Variants in DPP10 observed in about 807,000 individuals in gnomAD.
The protein encoded by DPP10 is inactive dipeptidyl peptidase 10.
A neutral mutation model predicts 120.9 loss-of-function variants in DPP10; 33 were observed. That is an observed-to-expected ratio of 0.27 (90% confidence interval 0.21 to 0.37). The LOEUF is 0.37. Among genes scored for constraint, DPP10 ranks in the 10% least tolerant of loss-of-function variants. The pLI, the probability that DPP10 is intolerant of heterozygous loss-of-function variation, is 1.00. For missense variants in DPP10, 816 were observed against 942.8 expected (o/e 0.87, Z 1.76); for synonymous variants, 337 against 326.1 (o/e 1.03, Z -0.36).
intron 1 of DPP10, among the ~76,000 whole-genome samples, chr2:114,781,417 G>A (rs556494975): frequency 2.6e-5 from 4 of 152,128 alleles, no homozygotes; most frequent in African/African-American, 7.2e-5. Context: ...TGGGATTCAC[G>A]GCTTAATGTT....
At chr2:114,524,848 G>C (rs912005420) in intron 1 of DPP10, among the ~76,000 whole-genome samples, 1 of 152,098 alleles carries the variant, frequency 6.6e-6, no homozygotes, top group African/African-American at 2.4e-5. Context: ...CCCAGTTCTT[G>C]AACTTGTTCT....
chr2:115,485,200 A>G (rs2075694534), intron 3 of DPP10, among the ~76,000 whole-genome samples: 1 of 150,280 alleles, frequency 6.7e-6, no homozygotes, highest in Non-Finnish European at 1.5e-5. Flanking sequence ...ATTTTTTCTT[A>G]ATCATCTGAA....
intron 1 of DPP10, among the ~76,000 whole-genome samples, chr2:114,484,449 T>A (rs1437367691): frequency 6.6e-6 from 1 of 152,190 alleles, no homozygotes; most frequent in African/African-American, 2.4e-5. Flanking sequence ...ATTTTAATTT[T>A]TGAGGTCTTA....
At chr2:115,177,909 G>A (rs1025619367) in intron 1 of DPP10, among the ~76,000 whole-genome samples, 2 of 152,006 alleles carry the variant, frequency 1.3e-5, no homozygotes, top group Non-Finnish European at 2.9e-5. Flanking sequence ...GACTACAGGT[G>A]CCCGCCACCA....
chr2:115,573,581 CTTTTTTTTTTTT>C (rs767336910), intron 5 of DPP10, among the ~76,000 whole-genome samples: 1 of 70,270 alleles, frequency 1.4e-5, no homozygotes, highest in Non-Finnish European at 2.5e-5. Flanking sequence ...TGCGCCCGGC[CTTTTTTTTTTTT>C]TTTTTTTTTT....
At chr2:114,735,766 AG>A (rs1210849470) in intron 1 of DPP10, among the ~76,000 whole-genome samples, 1 of 152,054 alleles carries the variant, frequency 6.6e-6, no homozygotes, top group African/African-American at 2.4e-5. Flanking sequence ...CTAGCTCATA[AG>A]CTGCAGTTTG....
At chr2:115,312,847 G>T in intron 2 of DPP10, among the ~76,000 whole-genome samples, 1 of 152,190 alleles carries the variant, frequency 6.6e-6, no homozygotes, top group East Asian at 1.9e-4. Flanking sequence ...TATGTCAGGA[G>T]GGGAAGCTTC....
At chr2:115,323,443 T>A (rs74866163) in intron 2 of DPP10, among the ~76,000 whole-genome samples, 1,876 of 152,338 alleles carry the variant, frequency 0.012, 8 homozygotes, top group African/African-American at 0.018. Flanking sequence ...TCAGTACTGA[T>A]TGGAATCAGC....
chr2:115,047,129 A>C (rs1157080366), intron 1 of DPP10, among the ~76,000 whole-genome samples: 5 of 152,086 alleles, frequency 3.3e-5, no homozygotes, highest in Non-Finnish European at 5.9e-5. Context: ...ATACAGTTCC[A>C]TTAAACAATT....
rs145147408 is a variant in DPP10 at position 114,702,491 on chromosome 2, G to T, written c.60+259653G>T. 7.6e-3 allele frequency among the ~76,000 whole-genome samples: 1,152 copies of T among 152,064 alleles called. 13 individuals are homozygous for T. Among genetic ancestry groups the T allele is most frequent in the African/African-American group, 0.026 (1,083 of 41,486 alleles). On this transcript the variant is annotated intron_variant, in intron 1 of 25. Coordinates refer to ENST00000410059, the MANE Select transcript of DPP10 (RefSeq NM_020868.6). ...ACCTGCAGAGAGGGCACAGGCACCA[G>T]GAGATATCAGAGTGGCATTATATAA... is the stretch of plus-strand genomic sequence containing the variant.
At chr2:115,537,626 C>T (rs2148949035) in intron 5 of DPP10, among the ~76,000 whole-genome samples, 1 of 138,892 alleles carries the variant, frequency 7.2e-6, no homozygotes, top group East Asian at 2.2e-4. Context: ...ATACTTTGGG[C>T]AGTAGTATAT....
In DPP10 at chr2:115,473,589, A is replaced by G. The variant is rs545956746; in HGVS notation, c.272-25921A>G. On this transcript the variant is annotated intron_variant, in intron 3 of 25. Transcript: ENST00000410059. ...TCAGAATGGGCAGGAATAAACTTCA[A>G]TGGCTCCAGGATGAGTTTTCTGTCT... 6.6e-5 allele frequency among the ~76,000 whole-genome samples: 10 copies of G among 152,288 alleles called. No homozygotes were observed. In the South Asian group the frequency reaches 1.0e-3, roughly 16 times the overall value.
At chr2:115,376,330 T>G (rs936262969) in intron 3 of DPP10, among the ~76,000 whole-genome samples, 1 of 152,190 alleles carries the variant, frequency 6.6e-6, no homozygotes, top group Non-Finnish European at 1.5e-5. Context: ...AGAAGAATTT[T>G]GAGTTTTGCC....
At chr2:115,223,818 TA>T (rs2105436397) in intron 1 of DPP10, among the ~76,000 whole-genome samples, 1 of 152,282 alleles carries the variant, frequency 6.6e-6, no homozygotes, top group African/African-American at 2.4e-5. Context: ...CTGGAATGTT[TA>T]TCACATCAGT....
intron 2 of DPP10, 26 bp from the exon 3 acceptor site, chr2:115,343,791 C>A (rs2106259715): frequency 6.4e-7 from 1 of 1,561,134 alleles, no homozygotes; most frequent in Non-Finnish European, 8.7e-7. Flanking sequence ...AGATAGGCAT[C>A]TAACCTAGAA....
At chr2:115,559,953 C>T (rs1431823097) in intron 5 of DPP10, among the ~76,000 whole-genome samples, 2 of 152,020 alleles carry the variant, frequency 1.3e-5, no homozygotes, top group Non-Finnish European at 2.9e-5. Context: ...TGATTTTACT[C>T]TAACTGTGGG....
At chr2:114,907,413 C>T (rs142047264) in intron 1 of DPP10, among the ~76,000 whole-genome samples, 1 of 151,876 alleles carries the variant, frequency 6.6e-6, no homozygotes, top group Non-Finnish European at 1.5e-5. Flanking sequence ...GGATCTTTCT[C>T]TTTTTTAAAT....
At chr2:115,505,627 A>C (rs1042514082) in intron 4 of DPP10, among the ~76,000 whole-genome samples, 1 of 152,142 alleles carries the variant, frequency 6.6e-6, no homozygotes, top group Non-Finnish European at 1.5e-5. Flanking sequence ...CATTTGATGG[A>C]TATTTCTGCC....
At chr2:115,550,075 G>T (rs566839192) in intron 5 of DPP10, among the ~76,000 whole-genome samples, 1 of 152,232 alleles carries the variant, frequency 6.6e-6, no homozygotes, top group East Asian at 1.9e-4. Flanking sequence ...CATACAAAAA[G>T]GGGGAGAGAC....
Sources: gnomAD v4.1 joint callset for allele counts (sites outside exome capture counted in the v4.1 genomes callset) on GRCh38, gnomAD v4.1.1 for gene constraint, MANE v1.5 for transcripts, NCBI Gene and HGNC (gene_info 2026-07-23, HGNC 2026-07-21) for gene names.